The following FRMD6 variants were observed in gnomAD, a reference collection of about 807,000 sequenced individuals.
The protein encoded by FRMD6 is FERM domain-containing protein 6.
A neutral mutation model predicts 73.2 loss-of-function variants in FRMD6; 37 were observed. The observed-to-expected ratio is 0.51, with a 90% confidence interval of 0.39 to 0.66. FRMD6 has a LOEUF of 0.66. Ranked by LOEUF, FRMD6 falls within the 30% of genes least tolerant of loss-of-function variation. The probability of loss-of-function intolerance (pLI) is 0.00; values close to 1 mark genes in which losing one functional copy is unlikely to be tolerated. For missense variants in FRMD6, 714 were observed against 780.5 expected, an observed-to-expected ratio of 0.91 and a Z score of 1.02; for synonymous variants, 273 against 282.2, an observed-to-expected ratio of 0.97 and a Z score of 0.33.
chr14:51,493,111 C>T (rs571521011), intron 1 of FRMD6, among the ~76,000 whole-genome samples: 5 of 152,254 alleles, frequency 3.3e-5, no homozygotes, highest in African/African-American at 7.2e-5. Context: ...AAAGTTTCCT[C>T]CTCATCTCAA....
At chr14:51,537,827 C>T (rs1198674040) in intron 1 of FRMD6, among the ~76,000 whole-genome samples, 1 of 152,202 alleles carries the variant, frequency 6.6e-6, no homozygotes, top group Non-Finnish European at 1.5e-5. Context: ...GGTGTCTCTT[C>T]ATCTGCTCAT....
At chr14:51,443,498 C>T in the FRMD6 span, among the ~76,000 whole-genome samples, 1 of 152,152 alleles carries the variant, frequency 6.6e-6, no homozygotes, top group Non-Finnish European at 1.5e-5. Flanking sequence ...AGCTCTTGCC[C>T]CCAAATATGA....
At chr14:51,398,581 C>T in the FRMD6 span, among the ~76,000 whole-genome samples, 1 of 151,826 alleles carries the variant, frequency 6.6e-6, no homozygotes, top group African/African-American at 2.4e-5. Context: ...GCATATTTCA[C>T]CATCTCACTA....
At chr14:51,409,422 G>A in the FRMD6 span, among the ~76,000 whole-genome samples, 2 of 147,094 alleles carry the variant, frequency 1.4e-5, no homozygotes, top group Non-Finnish European at 3.0e-5. Context: ...GATGCTGAAA[G>A]GTCTTTCATT....
At chr14:51,662,161 A>G (rs1893258579) in intron 1 of FRMD6, among the ~76,000 whole-genome samples, 2 of 152,206 alleles carry the variant, frequency 1.3e-5, no homozygotes. Context: ...TCTAGTAAAG[A>G]TGTGTTCTTT....
the FRMD6 span, among the ~76,000 whole-genome samples, chr14:51,419,999 TCGTTAGGTGTAGTCATGTGACTTCCTGC>T: frequency 1.5e-5 from 2 of 133,506 alleles, no homozygotes; most frequent in Non-Finnish European, 3.5e-5. Flanking sequence ...CTTCCTGCCC[TCGTTAGGTGTAGTCATGTGACTTCCTGC>T]GCTTTTTAGG....
the FRMD6 span, among the ~76,000 whole-genome samples, chr14:51,444,580 A>G: frequency 6.6e-6 from 1 of 152,272 alleles, no homozygotes; most frequent in African/African-American, 2.4e-5. Flanking sequence ...GAGAGAGAGC[A>G]AGGGAATTTG....
intron 1 of FRMD6, among the ~76,000 whole-genome samples, chr14:51,662,850 C>T (rs1893317244): frequency 6.6e-6 from 1 of 151,866 alleles, no homozygotes; most frequent in Non-Finnish European, 1.5e-5. Context: ...AACAGACAAC[C>T]TACAGAATGG....
At chr14:51,586,840 C>T (rs1321365642) in intron 2 of FRMD6, among the ~76,000 whole-genome samples, 1 of 152,122 alleles carries the variant, frequency 6.6e-6, no homozygotes, top group Non-Finnish European at 1.5e-5. Flanking sequence ...ACCTCCTGGA[C>T]TCAAGCAATC....
chr14:51,470,493 C>T, the FRMD6 span, among the ~76,000 whole-genome samples: 1 of 150,550 alleles, frequency 6.6e-6, no homozygotes, highest in Non-Finnish European at 1.5e-5. Flanking sequence ...GAGCGAGACT[C>T]CGTCTCAAAA....
intron 2 of FRMD6, among the ~76,000 whole-genome samples, chr14:51,606,491 C>T (rs1272576952): frequency 6.6e-6 from 1 of 152,154 alleles, no homozygotes; most frequent in Admixed American, 6.5e-5. Flanking sequence ...CTCCCATCAC[C>T]TCTGTCCTAA....
At chr14:51,446,158 G>A in the FRMD6 span, among the ~76,000 whole-genome samples, 1 of 152,158 alleles carries the variant, frequency 6.6e-6, no homozygotes, top group East Asian at 1.9e-4. Context: ...GTAGAAGATA[G>A]TCAGTTTTCT....
the FRMD6 span, among the ~76,000 whole-genome samples, chr14:51,465,417 A>T: frequency 1.3e-5 from 2 of 152,192 alleles, no homozygotes; most frequent in Admixed American, 1.3e-4. Context: ...AGCCCTTCTA[A>T]ACCTTCACAG....
intron 1 of FRMD6, among the ~76,000 whole-genome samples, chr14:51,678,389 A>G (rs1894540328): frequency 6.6e-6 from 1 of 152,102 alleles, no homozygotes. Context: ...TGCAGAAATT[A>G]TTTTGTGGAC....
At chr14:51,558,446 C>T (rs569019707) in intron 1 of FRMD6, among the ~76,000 whole-genome samples, 37 of 149,344 alleles carry the variant, frequency 2.5e-4, no homozygotes, top group African/African-American at 5.2e-4. Flanking sequence ...CCAGCCCAGG[C>T]GGCAGAGCAA....
At chr14:51,479,057 C>T in the FRMD6 span, among the ~76,000 whole-genome samples, 1 of 152,100 alleles carries the variant, frequency 6.6e-6, no homozygotes, top group Admixed American at 6.5e-5. Flanking sequence ...AATTAACAAC[C>T]TCCCCTACCT....
At chr14:51,480,011 C>G in the FRMD6 span, among the ~76,000 whole-genome samples, 2 of 152,130 alleles carry the variant, frequency 1.3e-5, no homozygotes, top group Non-Finnish European at 2.9e-5. Flanking sequence ...AATTAATTGT[C>G]TATACTTCAG....
chr14:51,568,845 CTTT>C (rs538670816), intron 1 of FRMD6, among the ~76,000 whole-genome samples: 6 of 137,372 alleles, frequency 4.4e-5, no homozygotes, highest in Non-Finnish European at 4.7e-5. Flanking sequence ...AAGGCTTTTA[CTTT>C]TTTTTTTTTT....
intron 2 of FRMD6, among the ~76,000 whole-genome samples, chr14:51,599,058 C>CTTTTTT (rs59151771): frequency 1.6e-4 from 12 of 72,822 alleles, no homozygotes; most frequent in African/African-American, 3.8e-4. Context: ...CAGTATCTGT[C>CTTTTTT]TTTTTTTTTT....
Sources: allele counts gnomAD v4.1 joint callset (sites outside exome capture counted in the v4.1 genomes callset), GRCh38; gene constraint gnomAD v4.1.1; transcripts MANE v1.5; gene names NCBI Gene and HGNC (gene_info 2026-07-23, HGNC 2026-07-21).